Variants in MAP3K21 observed in about 807,000 individuals in gnomAD.
MAP3K21 encodes mitogen-activated protein kinase kinase kinase 21.
In MAP3K21, 63 loss-of-function variants were observed where a neutral mutation model predicts 86.1. That is an observed-to-expected ratio of 0.73 (90% CI 0.60 to 0.90). The LOEUF (loss-of-function observed/expected upper bound fraction) is 0.90, where lower values mean the gene tolerates loss of function less well. Among genes scored for constraint, MAP3K21 ranks in the 40% least tolerant of loss-of-function variants. The pLI, the probability that MAP3K21 is intolerant of heterozygous loss-of-function variation, is 0.00. For missense variants in MAP3K21, 1,220 were observed against 1,367.7 expected, an observed-to-expected ratio of 0.89 and a Z score of 1.70; for synonymous variants, 558 against 564.8, an observed-to-expected ratio of 0.99 and a Z score of 0.17.
chr1:233,361,927 G>A, intron 4 of MAP3K21, 126 bp from the exon 5 acceptor site: 1 of 1,196,330 alleles, frequency 8.4e-7, no homozygotes, highest in Non-Finnish European at 1.2e-6. Flanking sequence ...AGAGGAAGAG[G>A]GAATTTCAGC....
intron 1 of MAP3K21, among the ~76,000 whole-genome samples, chr1:233,334,786 G>T (rs1366934303): frequency 6.6e-6 from 1 of 152,080 alleles, no homozygotes. Flanking sequence ...TGCGGTCATT[G>T]CTTTATGACT....
At chr1:233,377,687 G>A (rs1475028398) in intron 8 of MAP3K21, among the ~76,000 whole-genome samples, 2 of 152,166 alleles carry the variant, frequency 1.3e-5, no homozygotes, top group South Asian at 2.1e-4. Context: ...GGTAGGGATG[G>A]TTTCAGGATG....
chr1:233,372,740 C>T (rs182289384), intron 6 of MAP3K21: 4 of 152,468 alleles, frequency 2.6e-5, no homozygotes, highest in African/African-American at 4.8e-5. Flanking sequence ...GGCTATGAAT[C>T]AGAATGTAGC....
At chr1:233,380,993 C>T (rs748094227) in intron 9 of MAP3K21, among the ~76,000 whole-genome samples, 3 of 152,126 alleles carry the variant, frequency 2.0e-5, no homozygotes, top group Non-Finnish European at 2.9e-5. Context: ...TTAAGTGGCA[C>T]TGAAATACTG....
In MAP3K21 at chr1:233,382,480, C is replaced by A. The variant is rs1470934439; in HGVS notation, c.2880C>A (p.Tyr960Ter). Residue 960 changes from tyrosine (Y) to a stop codon, truncating the protein, a stop_gained, in exon 10 of 10, where the codon TAC becomes TAA. Transcript: ENST00000366624. LOFTEE classifies it low-confidence loss of function (END_TRUNC). Reference protein sequence around the residue: ...LRSRSDLPQAYPQTAVSQLAQ... With the variant: ...LRSRSDLPQA ...GCCGCTCAGATCTGCCTCAGGCTTA[C>A]CCACAGACAGCAGTGTCTCAGCTGG... 1 of 1,614,048 alleles carries A rather than the reference C, an allele frequency of 6.2e-7. No homozygotes were observed. The highest frequency in any genetic ancestry group is 2.2e-5 in the East Asian group (1 of 44,880).
At chr1:233,339,368 C>CTTCTT (rs1558451194) in intron 1 of MAP3K21, among the ~76,000 whole-genome samples, 9,815 of 60,356 alleles carry the variant, frequency 0.16, 1,169 homozygotes, top group East Asian at 0.44. Context: ...TCCTTCTCCT[C>CTTCTT]CTTCTCCTTC....
In MAP3K21 at chr1:233,361,910, C is replaced by G; in HGVS notation, c.1312-143C>G. The G allele has an allele frequency of 7.6e-6, 8 of 1,046,052 alleles. No individual in the cohort carries two copies. The South Asian group carries it at 1.3e-4, about 17-fold the overall frequency. The allele number at this position is 1,046,052 out of a possible 1,614,324, so 64.8% of individuals were successfully genotyped here. On this transcript the variant is annotated intron_variant, in intron 4 of 9. Transcript: ENST00000366624. ...CCCATGAGGACCTGAGTGACCAGGG[C>G]TTGAGCAGAGGAAGAGGGAATTTCA...
In MAP3K21 at chr1:233,379,385, G is replaced by T; in HGVS notation, c.2379G>T (p.Leu793=). ...GGGAGGCCAGCAGCCCACCCTCCCT[G>T]CCACTGTCAAGTGCCCTGGGCATCC... ...TCGEASSPPS[L]PLSSALGILS... Residue 793 remains leucine (L), a synonymous_variant, in exon 9 of 10, where the codon CTG becomes CTT. Transcript: ENST00000366624. The T allele has an allele frequency of 6.2e-7, 1 of 1,614,198 alleles. No homozygotes were observed.
At chr1:233,362,361 C>A in intron 5 of MAP3K21, 68 bp downstream of exon 5, 1 of 1,544,428 alleles carries the variant, frequency 6.5e-7, no homozygotes, top group Non-Finnish European at 8.8e-7. Context: ...TTTCTTTGTT[C>A]ATCAGAACCA....
chr1:233,352,810 ACT>A (rs1663274599), intron 2 of MAP3K21, among the ~76,000 whole-genome samples: 1 of 152,100 alleles, frequency 6.6e-6, no homozygotes, highest in Non-Finnish European at 1.5e-5. Context: ...ATCTGGAGTG[ACT>A]CTCATTCTTT....
At chr1:233,332,134 C>G (rs971946957) in intron 1 of MAP3K21, among the ~76,000 whole-genome samples, 1 of 152,098 alleles carries the variant, frequency 6.6e-6, no homozygotes, top group South Asian at 2.1e-4. Flanking sequence ...GAATGCCCAC[C>G]CTGTGCCAGT....
chr1:233,329,745 T>C lies in MAP3K21; in HGVS notation c.805+912T>C, dbSNP rs925838495. Among the ~76,000 whole-genome samples the C allele has an allele frequency of 5.3e-5, 8 of 152,224 alleles. No individual in the cohort carries two copies. In the East Asian group the frequency reaches 1.2e-3, roughly 22 times the overall value. ...AGACAAGAGGCACTGGTGTGCACCG[T>C]AATGCACTTTTGGGTTAATAACAAG... On this transcript the variant is annotated intron_variant, in intron 1 of 9. Coordinates refer to ENST00000366624, the MANE Select transcript of MAP3K21 (RefSeq NM_032435.3).
At chr1:233,345,512 C>T (rs1663118680) in intron 1 of MAP3K21, among the ~76,000 whole-genome samples, 1 of 149,386 alleles carries the variant, frequency 6.7e-6, no homozygotes, top group African/African-American at 2.5e-5. Flanking sequence ...TATTCTCACT[C>T]ATAGGTGGGA....
At chr1:233,352,559 T>C (rs1400968735) in intron 2 of MAP3K21, among the ~76,000 whole-genome samples, 5 of 151,970 alleles carry the variant, frequency 3.3e-5, no homozygotes, top group Non-Finnish European at 7.4e-5. Flanking sequence ...ACTTCCCGAG[T>C]TGTTGGGGCT....
intron 5 of MAP3K21, among the ~76,000 whole-genome samples, chr1:233,366,363 A>G (rs1663573617): frequency 6.6e-6 from 1 of 152,216 alleles, no homozygotes; most frequent in South Asian, 2.1e-4. Flanking sequence ...TTCACAACAC[A>G]AAGAAATGAT....
At chr1:233,337,100 T>C (rs1488443598) in intron 1 of MAP3K21, among the ~76,000 whole-genome samples, 1 of 152,158 alleles carries the variant, frequency 6.6e-6, no homozygotes, top group Non-Finnish European at 1.5e-5. Context: ...AGTGAGACAG[T>C]GTATGTCTGG....
rs541007861 is a variant in MAP3K21 at position 233,379,163 on chromosome 1, G to A, written c.2157G>A (p.Thr719=). The change falls in exon 9 of 10, where the codon ACG becomes ACA. Residue 719 remains threonine, a synonymous_variant. Coordinates refer to ENST00000366624, the MANE Select transcript of MAP3K21 (RefSeq NM_032435.3). ...SLSRSPQRKK[T]ESALYGCTVL... is the part of the protein sequence containing the mutation. ...GTAGATCCCCCCAGAGAAAGAAAAC[G>A]GAGTCAGCTCTGTATGGGTGCACCG... 6.2e-6 allele frequency: 10 copies of A among 1,614,218 alleles called. No homozygotes were observed. Among genetic ancestry groups the A allele is most frequent in the African/African-American group, 2.7e-5 (2 of 75,066 alleles).
At position 233,328,187 on chromosome 1, in the gene MAP3K21, C is replaced by T. The variant is rs1270323587; in HGVS notation, c.159C>T (p.Gly53=). 9 of 1,480,818 alleles carry T rather than the reference C, an allele frequency of 6.1e-6. No individual in the cohort carries two copies. The highest frequency in any genetic ancestry group is 2.9e-5 in the East Asian group (1 of 33,950). The allele number at this position is 1,480,818 out of a possible 1,614,324, so 91.7% of individuals were successfully genotyped here. A position where few individuals can be genotyped will look rare whatever the true frequency, so the allele number is the denominator to read the frequency against. The stretch of plus-strand genomic sequence containing the variant: ...CGCTCTATGACTACGAGGCTCGCGG[C>T]GAGGACGAGCTGAGCCTGCGGCGCG... ...WAALYDYEAR[G]EDELSLRRGQ... is the part of the protein sequence containing the mutation. Residue 53 remains glycine (G), a synonymous_variant, in exon 1 of 10, where the codon GGC becomes GGT. Transcript: ENST00000366624. The surrounding 1 kb of genome is among the most constrained non-coding windows in gnomAD (Gnocchi z 8.7).
At chr1:233,337,032 G>A (rs1310806646) in intron 1 of MAP3K21, among the ~76,000 whole-genome samples, 1 of 152,206 alleles carries the variant, frequency 6.6e-6, no homozygotes, top group Admixed American at 6.5e-5. Context: ...ATTTGTGGTA[G>A]TAGGTTTGAG....
Sources: gnomAD v4.1 joint callset for allele counts (sites outside exome capture counted in the v4.1 genomes callset) on GRCh38, gnomAD v4.1.1 for gene constraint, Gnocchi (gnomAD v3.1) non-coding constraint, MANE v1.5 for transcripts, NCBI Gene and HGNC (gene_info 2026-07-23, HGNC 2026-07-21) for gene names.